CENPF: variants seen among roughly 807,000 people sequenced by gnomAD.
The protein encoded by CENPF is AH antigen.
Under a neutral mutation model 307.3 loss-of-function variants are expected in CENPF, and 214 were observed. The ratio of observed to expected loss-of-function variants is 0.70; its 90% CI spans 0.62 to 0.78. The LOEUF is 0.78. Ranked by LOEUF, CENPF falls within the 30% of genes least tolerant of loss-of-function variation. CENPF has a pLI of 0.00. For missense variants in CENPF, 3,401 were observed against 3,483.9 expected (o/e 0.98, Z 0.60); for synonymous variants, 1,259 against 1,270.6 (o/e 0.99, Z 0.19).
rs1303136518 is a variant in CENPF, at chr1:214,646,855, A to G, written c.7285A>G (p.Lys2429Glu). ...TATTTTGCAAGAAAAAGAGCAAGAG[A>G]AAGTACAGATGAAAGAAAAATCAAG... ...ENILQEKEQE[K>E]VQMKEKSSTA... Residue 2429 changes from lysine to glutamate, a missense_variant, in exon 13 of 20, where the codon AAA becomes GAA. By Grantham distance (56) the Lys-to-Glu change is moderately conservative (BLOSUM62 1). Transcript: ENST00000366955. The G allele has an allele frequency of 1.2e-6, 2 of 1,613,048 alleles. No individual in the cohort carries two copies. Among genetic ancestry groups the G allele is most frequent in the Admixed American group, 1.7e-5 (1 of 59,816 alleles).
At chr1:214,616,021 TC>T (rs778495519) in intron 3 of CENPF, among the ~76,000 whole-genome samples, 56 of 152,158 alleles carry the variant, frequency 3.7e-4, no homozygotes, top group Non-Finnish European at 2.9e-4. Flanking sequence ...ACTTATTTTT[TC>T]CATCAGTTGT....
chr1:214,622,057 T>G, intron 6 of CENPF, 22 bp from the exon 7 acceptor site: 1 of 1,584,592 alleles, frequency 6.3e-7, no homozygotes, highest in Non-Finnish European at 8.6e-7. Flanking sequence ...AATTGGAGTG[T>G]GATTTTTGTT....
chr1:214,645,682 CAG>C lies in CENPF; in HGVS notation c.6115_6116del (p.Ser2039PhefsTer14). ...CAAAACTCATCTCCAGGAAAAGCTGCAGAGTTTGGAAAAGGACTCACAGGCAC... is the reference window on the plus strand; with the variant it reads ...CAAAACTCATCTCCAGGAAAAGCTGCAGTTTGGAAAAGGACTCACAGGCAC... ...KDKTHLQEKL[Q>X]SLEKDSQALS... On this transcript the variant is annotated frameshift_variant, in exon 13 of 20. Coordinates refer to ENST00000366955, the MANE Select transcript of CENPF (RefSeq NM_016343.4). LOFTEE classifies it high-confidence loss of function. 2 of 1,614,140 alleles carry C rather than the reference CAG, an allele frequency of 1.2e-6. No individual in the cohort carries two copies. Among genetic ancestry groups the C allele is most frequent in the Non-Finnish European group, 1.7e-6 (2 of 1,180,008 alleles).
chr1:214,652,002 C>A, intron 15 of CENPF, 116 bp downstream of exon 15: 1 of 764,902 alleles, frequency 1.3e-6, no homozygotes, highest in South Asian at 3.5e-5. Context: ...GCTATATAAT[C>A]TTTTAAAAGG....
At chr1:214,613,138 A>G (rs751849330) in intron 1 of CENPF, 3 of 252,776 alleles carry the variant, frequency 1.2e-5, no homozygotes, top group Non-Finnish European at 2.4e-5. Context: ...TATTTATATT[A>G]ATTTTTGTTA....
At position 214,640,507 on chromosome 1, in the gene CENPF, G is replaced by T. The variant is rs1330322158; in HGVS notation, c.2169G>T (p.Leu723Phe). 6.2e-7 allele frequency: 1 copy of T among 1,614,126 alleles called. No homozygotes were observed. Among genetic ancestry groups the T allele is most frequent in the Admixed American group, 1.7e-5 (1 of 60,004 alleles). Residue 723 changes from leucine to phenylalanine, a missense_variant, in exon 12 of 20, where the codon TTG (leucine) becomes TTT (phenylalanine). Leu to Phe is a conservative substitution (Grantham distance 22). Coordinates refer to ENST00000366955, the MANE Select transcript of CENPF (RefSeq NM_016343.4). Reference protein sequence around the residue: ...KHQKEIENMCLKTSQLTGQVE... With the variant: ...KHQKEIENMCFKTSQLTGQVE... ...AGAAGGAAATAGAAAATATGTGTTT[G>T]AAGACTTCTCAGCTTACTGGGCAAG...
chr1:214,619,469 ATT>A (rs1657448475), intron 5 of CENPF, among the ~76,000 whole-genome samples: 1 of 152,234 alleles, frequency 6.6e-6, no homozygotes, highest in Admixed American at 6.5e-5. Flanking sequence ...TGTACACTTA[ATT>A]ATTTCCCTAT....
rs1658190142 is a variant in CENPF, at chr1:214,643,339, T to C, written c.4986+15T>C. 2.1e-6 allele frequency: 3 copies of C among 1,457,338 alleles called. No individual in the cohort carries two copies. In the East Asian group the frequency reaches 7.4e-5, roughly 36 times the overall value. The allele number at this position is 1,457,338 out of a possible 1,614,324, so 90.3% of individuals were successfully genotyped here. A position where few individuals can be genotyped will look rare whatever the true frequency, so the allele number is the denominator to read the frequency against. ...ACACAGAAGATGTAAGTACCTGGGA[T>C]TTAAATGCCATTTCTCGGTTTACAT... On this transcript the variant is annotated intron_variant, in intron 12 of 19. Transcript: ENST00000366955.
intron 17 of CENPF, among the ~76,000 whole-genome samples, chr1:214,655,878 A>G (rs1571728276): frequency 6.6e-6 from 1 of 152,202 alleles, no homozygotes; most frequent in African/African-American, 2.4e-5. Context: ...GGCAGGAGCC[A>G]CCATGCCTGG....
chr1:214,611,888 T>G (rs1186718579), intron 1 of CENPF, among the ~76,000 whole-genome samples: 2 of 152,186 alleles, frequency 1.3e-5, no homozygotes, highest in African/African-American at 4.8e-5. Flanking sequence ...GGGCCAAGAC[T>G]ATGGGGTTTT....
Position 214,624,345 on chromosome 1 carries a change from A to T in CENPF, c.1068+2064A>T, listed in dbSNP as rs1023646055. ...AGTTGTCTGAAAGAGACTGTGTAGAATTTTTTTTTCTTTCTTTATATATTA... is the reference window on the plus strand; with the variant it reads ...AGTTGTCTGAAAGAGACTGTGTAGATTTTTTTTTTCTTTCTTTATATATTA... On this transcript the variant is annotated intron_variant, in intron 7 of 19. Coordinates refer to ENST00000366955, the MANE Select transcript of CENPF (RefSeq NM_016343.4). Among the ~76,000 whole-genome samples, 7 of 151,378 alleles carry T rather than the reference A, an allele frequency of 4.6e-5. No individual in the cohort carries two copies. The South Asian group carries it at 6.3e-4, about 14-fold the overall frequency.
At position 214,614,997 on chromosome 1, in the gene CENPF, CAAAT is replaced by C; in HGVS notation, c.330_333del (p.Ile111LysfsTer28). On this transcript the variant is annotated frameshift_variant, in exon 3 of 20. Coordinates refer to ENST00000366955, the MANE Select transcript of CENPF (RefSeq NM_016343.4). LOFTEE classifies it high-confidence loss of function. ...AGGACAACTGAATTCAGGCAAAAAA[CAAAT>C]AGAAAAACTGGAACAGGAACTTAAA... 6.2e-7 allele frequency: 1 copy of C among 1,601,870 alleles called. No individual in the cohort carries two copies. The highest frequency in any genetic ancestry group is 8.5e-7 in the Non-Finnish European group (1 of 1,176,104).
At position 214,644,558 on chromosome 1, in the gene CENPF, C is replaced by T. The variant is rs761682215; in HGVS notation, c.4988C>T (p.Ala1663Val). The change falls in exon 13 of 20, where the codon GCT becomes GTT. Residue 1663 changes from alanine (A) to valine (V), a missense_variant and splice_region_variant. Physicochemically the swap from Ala to Val is moderately conservative, Grantham distance 64 (BLOSUM62 0). Transcript: ENST00000366955. ...RSLLGIDTED[A>V]IQGRNESCDI... ...GCTTGTTATGTATTATAATTACAGG[C>T]TATTCAAGGCCGAAATGAGAGCTGT... 6.4e-7 allele frequency: 1 copy of T among 1,574,516 alleles called. No individual in the cohort carries two copies. Among genetic ancestry groups the T allele is most frequent in the South Asian group, 1.2e-5 (1 of 84,892 alleles).
chr1:214,634,130 C>A (rs12121403), intron 10 of CENPF, among the ~76,000 whole-genome samples: 55,339 of 152,106 alleles, frequency 0.36, 12,682 homozygotes, highest in Non-Finnish European at 0.53. Context: ...CAGTTAATCC[C>A]AGCCTGTACT....
In CENPF at chr1:214,637,927, G is replaced by A. The variant is rs1487750449; in HGVS notation, c.1508G>A (p.Cys503Tyr). The change falls in exon 11 of 20, where the codon TGC (cysteine) becomes TAC (tyrosine). Residue 503 changes from cysteine to tyrosine, a missense_variant. Transcript: ENST00000366955. ...SHSEQKAREV[C>Y]HLEAELKNIK... is the part of the protein sequence containing the mutation. The stretch of plus-strand genomic sequence containing the variant: ...TCTGAGCAAAAGGCCAGAGAAGTCT[G>A]CCACCTGGAGGCAGAACTCAAGAAC... 3 of 1,613,546 alleles carry A rather than the reference G, an allele frequency of 1.9e-6. No homozygotes were observed. The highest frequency in any genetic ancestry group is 2.2e-5 in the South Asian group (2 of 90,922).
At chr1:214,643,738 G>T (rs1017831485) in intron 12 of CENPF, among the ~76,000 whole-genome samples, 1 of 152,038 alleles carries the variant, frequency 6.6e-6, no homozygotes, top group Non-Finnish European at 1.5e-5. Flanking sequence ...TGATGTTATG[G>T]CATTATCGTC....
In CENPF at chr1:214,663,986, C is replaced by A. The variant is rs917928767; in HGVS notation, c.*192C>A. On this transcript the variant is annotated 3_prime_UTR_variant, in exon 20 of 20. Coordinates refer to ENST00000366955, the MANE Select transcript of CENPF (RefSeq NM_016343.4). ...TGAAAAAGTTTGGAAGCACTGATCA[C>A]CTGTTAGCATTGCCATTCCTCTACT... 32 of 568,524 alleles carry A rather than the reference C, an allele frequency of 5.6e-5. No homozygotes were observed. In the Admixed American group the frequency reaches 6.1e-4, roughly 11 times the overall value. The allele number at this position is 568,524 out of a possible 1,614,324, so 35.2% of individuals were successfully genotyped here.
intron 10 of CENPF, among the ~76,000 whole-genome samples, chr1:214,633,137 A>G (rs968150274): frequency 1.3e-4 from 20 of 152,258 alleles, no homozygotes. Flanking sequence ...TGTCAATTAT[A>G]TGACTCTGGC....
chr1:214,647,510 T>G (rs751640866), intron 13 of CENPF, 110 bp downstream of exon 13: 206 of 1,252,408 alleles, frequency 1.6e-4, no homozygotes, highest in Middle Eastern at 1.1e-3. Flanking sequence ...TCTGCTATAT[T>G]GGACCAAACT....
Sources: allele counts gnomAD v4.1 joint callset (sites outside exome capture counted in the v4.1 genomes callset), GRCh38; gene constraint gnomAD v4.1.1; transcripts MANE v1.5; gene names NCBI Gene and HGNC (gene_info 2026-07-23, HGNC 2026-07-21).